Variants in ATRX observed in about 807,000 individuals in gnomAD.
ATRX encodes chromatin remodeler ATRX.
ATRX carries 12 observed loss-of-function variants against 172.6 expected under a neutral mutation model. The ratio of observed to expected loss-of-function variants is 0.07; its 90% confidence interval spans 0.04 to 0.11. ATRX has a LOEUF of 0.11. ATRX is among the 10% of genes least tolerant of loss of function. ATRX has a pLI of 1.00. For synonymous variants in ATRX, 674 were observed against 594.7 expected, an observed-to-expected ratio of 1.13 and a Z score of -1.94; for missense variants, 1,368 against 1,767.4, an observed-to-expected ratio of 0.77 and a Z score of 4.05.
intron 19 of ATRX, among the ~76,000 whole-genome samples, chrX:77,623,126 T>C (rs2148286694): frequency 9.0e-6 from 1 of 111,220 alleles, no homozygotes; most frequent in East Asian, 2.8e-4. Context: ...ATAAGCTAGT[T>C]CCTTGAAAAG....
At chrX:77,521,322 A>G (rs1557041274) in intron 33 of ATRX, 81 bp downstream of exon 33, 6 of 758,344 alleles carry the variant, frequency 7.9e-6, no homozygotes, top group Non-Finnish European at 1.2e-5. Context: ...AGAAGGAACA[A>G]TTAAAAATTT....
intron 30 of ATRX, among the ~76,000 whole-genome samples, chrX:77,537,230 A>C (rs2063778716): frequency 8.9e-6 from 1 of 111,760 alleles, no homozygotes; most frequent in African/African-American, 3.3e-5. Flanking sequence ...TCTGGTATAT[A>C]AAATGGGCTA....
intron 2 of ATRX, among the ~76,000 whole-genome samples, chrX:77,703,415 C>T (rs2072643189): frequency 8.9e-6 from 1 of 112,721 alleles, no homozygotes; most frequent in South Asian, 3.6e-4. Flanking sequence ...GCTCCAGGTG[C>T]CAGCATGGGC....
At chrX:77,648,942 G>A (rs908480721) in intron 15 of ATRX, among the ~76,000 whole-genome samples, 25 of 111,100 alleles carry the variant, frequency 2.3e-4, no homozygotes, top group African/African-American at 7.5e-4. Context: ...GCTGATGGGA[G>A]AGGACCACTT....
intron 22 of ATRX, among the ~76,000 whole-genome samples, chrX:77,607,878 T>C (rs1172687159): frequency 2.7e-5 from 3 of 110,466 alleles, no homozygotes; most frequent in African/African-American, 9.9e-5. Context: ...AATCTTCATA[T>C]TGAAAGCAAT....
chrX:77,507,661 GA>G lies in ATRX; in HGVS notation c.*689del. On this transcript the variant is annotated 3_prime_UTR_variant, in exon 35 of 35. Transcript: ENST00000373344. ...AAAAAATGGCAGAAGGACTAAAGAA[GA>G]AAAAGGAATTCTCTTCTTAGGCTAT... The G allele has an allele frequency of 5.7e-6, 1 of 175,731 alleles. No individual in the cohort carries two copies. Among genetic ancestry groups the G allele is most frequent in the East Asian group, 8.1e-5 (1 of 12,358 alleles). 14.5% of individuals were successfully genotyped at this position (175,731 alleles called of 1,213,427 possible).
intron 30 of ATRX, among the ~76,000 whole-genome samples, chrX:77,552,009 T>C (rs1229396529): frequency 9.0e-6 from 1 of 111,640 alleles, no homozygotes; most frequent in Non-Finnish European, 1.9e-5. Context: ...GGAACACTTT[T>C]ACACTGTTGG....
chrX:77,767,288 A>G (rs1257701932), intron 1 of ATRX, among the ~76,000 whole-genome samples: 1 of 107,762 alleles, frequency 9.3e-6, no homozygotes, highest in Non-Finnish European at 1.9e-5. Flanking sequence ...AGGGGGAGAG[A>G]GGTAGAGGGA....
rs781895763 is a variant in ATRX at position 77,766,905 on chromosome X, G to A, written c.20+19077C>T. ...TGAGGTTGTAGCGAGCCGAGATCACGCCACTGCACTCCAGCCTGGGCACCA... is the reference window on the plus strand; with the variant it reads ...TGAGGTTGTAGCGAGCCGAGATCACACCACTGCACTCCAGCCTGGGCACCA... On this transcript the variant is annotated intron_variant, in intron 1 of 34. Transcript: ENST00000373344. Among the ~76,000 whole-genome samples the A allele has an allele frequency of 6.0e-3, 667 of 111,036 alleles. 4 individuals are homozygous for A. The highest frequency in any genetic ancestry group is 0.02 in the African/African-American group (621 of 30,641).
intron 11 of ATRX, among the ~76,000 whole-genome samples, chrX:77,663,965 G>A (rs1332291956): frequency 9.1e-6 from 1 of 110,142 alleles, no homozygotes; most frequent in Non-Finnish European, 1.9e-5. Flanking sequence ...GCAGGGTGTG[G>A]TGGCGCATGC....
chrX:77,716,885 A>C (rs2148751010), intron 2 of ATRX, among the ~76,000 whole-genome samples: 1 of 112,215 alleles, frequency 8.9e-6, no homozygotes, highest in Non-Finnish European at 1.9e-5. Flanking sequence ...CATTACATAT[A>C]AAACCATAAA....
intron 10 of ATRX, among the ~76,000 whole-genome samples, chrX:77,671,774 T>C (rs1191563359): frequency 2.7e-5 from 3 of 111,206 alleles, no homozygotes; most frequent in African/African-American, 9.8e-5. Flanking sequence ...CTCTTTTTCT[T>C]TTTTTTCTTT....
rs972542234 is a variant in ATRX at position 77,616,788 on chromosome X, A to T, written c.5449-58T>A. On this transcript the variant is annotated intron_variant, in intron 21 of 34. Coordinates refer to ENST00000373344, the MANE Select transcript of ATRX (RefSeq NM_000489.6). ...TCTAAATATTTAACAGGAATGAACT[A>T]CAAGTTCTCATTGCTTATAACTGAA... 7.2e-6 allele frequency: 6 copies of T among 836,506 alleles called. No homozygotes were observed. The African/African-American group carries it at 1.0e-4, about 14-fold the overall frequency. The allele number at this position is 836,506 out of a possible 1,213,427, so 68.9% of individuals were successfully genotyped here.
chrX:77,647,338 A>C (rs1557114344), intron 15 of ATRX, among the ~76,000 whole-genome samples: 1 of 112,143 alleles, frequency 8.9e-6, no homozygotes, highest in East Asian at 2.8e-4. Flanking sequence ...TCAAGAACCT[A>C]ACTTTACACC....
intron 33 of ATRX, chrX:77,521,120 T>A (rs1557041203): frequency 1.4e-5 from 6 of 443,560 alleles, no homozygotes; most frequent in Non-Finnish European, 1.9e-5. Context: ...GAAACAATAA[T>A]TTAGATTTAA....
rs782286791 is a variant in ATRX, at chrX:77,698,484, G to A, written c.189+90C>T. ...TGACAACTGGGTATCAGTAGCCTTCGACACATACATGTGTCCAGAAGCAAT... is the reference window on the plus strand; with the variant it reads ...TGACAACTGGGTATCAGTAGCCTTCAACACATACATGTGTCCAGAAGCAAT... On this transcript the variant is annotated intron_variant, in intron 3 of 34. Coordinates refer to ENST00000373344, the MANE Select transcript of ATRX (RefSeq NM_000489.6). 8 of 813,927 alleles carry A rather than the reference G, an allele frequency of 9.8e-6. 1 individual carries two copies. The highest frequency in any genetic ancestry group is 3.0e-4 in the Middle Eastern group (1 of 3,300). 67.1% of individuals were successfully genotyped at this position (813,927 alleles called of 1,213,427 possible).
intron 15 of ATRX, among the ~76,000 whole-genome samples, chrX:77,647,529 T>C (rs1429537350): frequency 8.9e-6 from 1 of 112,077 alleles, no homozygotes; most frequent in Non-Finnish European, 1.9e-5. Context: ...TACATTCGTG[T>C]TCATGTTTAC....
intron 6 of ATRX, among the ~76,000 whole-genome samples, chrX:77,693,274 C>G (rs1235768208): frequency 9.0e-6 from 1 of 111,351 alleles, no homozygotes; most frequent in African/African-American, 3.3e-5. Context: ...GCTCCCTACT[C>G]CTTCCTACTT....
chrX:77,513,273 C>T (rs1432613234), intron 34 of ATRX, among the ~76,000 whole-genome samples: 3 of 93,945 alleles, frequency 3.2e-5, no homozygotes, highest in Admixed American at 1.3e-4. Context: ...GCTGAGATTG[C>T]GCCACTGCAC....
Sources: gnomAD v4.1 joint callset for allele counts (sites outside exome capture counted in the v4.1 genomes callset) on GRCh38, gnomAD v4.1.1 for gene constraint, MANE v1.5 for transcripts, NCBI Gene and HGNC (gene_info 2026-07-23, HGNC 2026-07-21) for gene names.